Variants in KAT2B observed in about 807,000 individuals in gnomAD.
The protein encoded by KAT2B is lysine acetyltransferase 2B, also known as histone acetyltransferase KAT2B.
KAT2B carries 36 observed loss-of-function variants against 105.9 expected under a neutral mutation model. That is an observed-to-expected ratio of 0.34 (90% CI 0.26 to 0.45). KAT2B has a LOEUF of 0.45. Among genes scored for constraint, KAT2B ranks in the 20% least tolerant of loss-of-function variants. KAT2B has a pLI of 1.00. For missense variants in KAT2B, 820 were observed against 1,021.6 expected (o/e 0.80, Z 2.69); for synonymous variants, 397 against 377.9 (o/e 1.05, Z -0.59).
chr3:20,054,210 A>G (rs929442941), intron 1 of KAT2B, among the ~76,000 whole-genome samples: 2 of 146,784 alleles, frequency 1.4e-5, no homozygotes, highest in African/African-American at 2.4e-5. Context: ...GCTCACTGCA[A>G]TCTCCGCCTC....
At chr3:20,096,063 T>A (rs1018350417) in intron 3 of KAT2B, among the ~76,000 whole-genome samples, 54 of 152,238 alleles carry the variant, frequency 3.5e-4, no homozygotes, top group Non-Finnish European at 6.6e-4. Context: ...CTTGAAGTGA[T>A]GTCTGTACAG....
At chr3:20,078,200 A>T (rs13082298) in intron 2 of KAT2B, among the ~76,000 whole-genome samples, 21,847 of 152,118 alleles carry the variant, frequency 0.14, 1,714 homozygotes, top group Admixed American at 0.18. Flanking sequence ...AAATAAATAA[A>T]TAAATAAAAA....
intron 8 of KAT2B, among the ~76,000 whole-genome samples, chr3:20,121,064 T>G (rs998096686): frequency 1.3e-5 from 2 of 152,110 alleles, no homozygotes; most frequent in African/African-American, 2.4e-5. Context: ...ATAAATAGTT[T>G]TCAGCATTAC....
intron 4 of KAT2B, chr3:20,101,072 C>T (rs373650903): frequency 1.3e-4 from 68 of 532,650 alleles, no homozygotes; most frequent in African/African-American, 1.2e-3. Context: ...TCACAACTCA[C>T]AGCCTCTCTG....
Position 20,063,500 on chromosome 3 carries a change from C to T in KAT2B, c.304-8833C>T, listed in dbSNP as rs537022485. The stretch of plus-strand genomic sequence containing the variant: ...TTGCTCAGGCTGGAGTGCAGTGGTG[C>T]GATCTCACCTCACAGCAACTTCTGA... On this transcript the variant is annotated intron_variant, in intron 1 of 17. Coordinates refer to ENST00000263754, the MANE Select transcript of KAT2B (RefSeq NM_003884.5). Among the ~76,000 whole-genome samples, 10 of 140,304 alleles carry T rather than the reference C, an allele frequency of 7.1e-5. No individual in the cohort carries two copies. In the South Asian group the frequency reaches 9.2e-4, roughly 13 times the overall value. The allele number at this position is 140,304 out of a possible 152,430, so 92.0% of individuals were successfully genotyped here. A position where few individuals can be genotyped will look rare whatever the true frequency, so the allele number is the denominator to read the frequency against.
At chr3:20,120,679 T>A (rs1699292491) in intron 8 of KAT2B, among the ~76,000 whole-genome samples, 1 of 150,590 alleles carries the variant, frequency 6.6e-6, no homozygotes, top group Admixed American at 6.6e-5. Flanking sequence ...GGTAAAGAAT[T>A]TGGCCATTAA....
chr3:20,147,441 G>A (rs1358777627), intron 14 of KAT2B, among the ~76,000 whole-genome samples: 1 of 151,794 alleles, frequency 6.6e-6, no homozygotes, highest in Admixed American at 6.6e-5. Context: ...GATAAACTGA[G>A]AGGCAACTTA....
At chr3:20,124,754 G>T (rs769489207) in intron 9 of KAT2B, among the ~76,000 whole-genome samples, 1 of 152,204 alleles carries the variant, frequency 6.6e-6, no homozygotes, top group Non-Finnish European at 1.5e-5. Context: ...AGTTTTGTGA[G>T]CTGGTTGTTC....
intron 5 of KAT2B, among the ~76,000 whole-genome samples, chr3:20,107,474 A>G (rs1450431954): frequency 6.6e-6 from 1 of 151,406 alleles, no homozygotes; most frequent in Non-Finnish European, 1.5e-5. Flanking sequence ...CCTGGCCAAC[A>G]TGGTGAAACC....
intron 2 of KAT2B, among the ~76,000 whole-genome samples, chr3:20,093,226 G>T (rs1698753580): frequency 6.6e-6 from 1 of 152,202 alleles, no homozygotes; most frequent in South Asian, 2.1e-4. Context: ...TGAGGAAAAG[G>T]TGGCCAATAA....
Position 20,072,324 on chromosome 3 carries a change from C to T in KAT2B, c.304-9C>T, listed in dbSNP as rs773436380. 6.2e-6 allele frequency: 10 copies of T among 1,613,132 alleles called. No homozygotes were observed. Among genetic ancestry groups the T allele is most frequent in the African/African-American group, 2.7e-5 (2 of 74,856 alleles). ...AATAATTTTGTCTCTTTCTTTATTC[C>T]ATTTTTAGGCCGAGGAGTCTTGTAA... On this transcript the variant is annotated splice_polypyrimidine_tract_variant and intron_variant, in intron 1 of 17. Transcript: ENST00000263754.
chr3:20,101,524 A>G, intron 5 of KAT2B, 56 bp downstream of exon 5: 1 of 1,458,796 alleles, frequency 6.9e-7, no homozygotes, highest in Admixed American at 1.7e-5. Context: ...ACAGACCTAA[A>G]ATTGTACTTG....
Position 20,061,433 on chromosome 3 carries a change from G to C in KAT2B, c.304-10900G>C, listed in dbSNP as rs1488988127. Among the ~76,000 whole-genome samples, 4 of 152,064 alleles carry C rather than the reference G, an allele frequency of 2.6e-5. No individual in the cohort carries two copies. In the East Asian group the frequency reaches 7.7e-4, roughly 29 times the overall value. ...GCTGTTGTGCTTAATAATGATACTA[G>C]GACATGGGTGTCCAAATATTTCTTT... On this transcript the variant is annotated intron_variant, in intron 1 of 17. Transcript: ENST00000263754.
At chr3:20,148,625 G>A (rs756425301) in intron 17 of KAT2B, 138 bp downstream of exon 17, 6 of 640,518 alleles carry the variant, frequency 9.4e-6, no homozygotes, top group Admixed American at 3.3e-5. Flanking sequence ...TCCATGCACC[G>A]TGGCGGGTCA....
chr3:20,142,086 G>C (rs76022842), intron 13 of KAT2B, among the ~76,000 whole-genome samples: 1 of 152,106 alleles, frequency 6.6e-6, no homozygotes. Flanking sequence ...TCATCCCCAC[G>C]GTGTTAGCTG....
intron 1 of KAT2B, among the ~76,000 whole-genome samples, chr3:20,063,987 T>C (rs1215677277): frequency 2.0e-5 from 3 of 152,208 alleles, no homozygotes; most frequent in African/African-American, 7.2e-5. Context: ...CCTTTCTCTA[T>C]TGAATGGTCT....
chr3:20,148,091 C>A, intron 15 of KAT2B, 92 bp downstream of exon 15: 1 of 1,396,620 alleles, frequency 7.2e-7, no homozygotes, highest in Non-Finnish European at 1.0e-6. Context: ...TAATTGTAAT[C>A]ACTAACACAA....
chr3:20,134,470 C>T (rs1162330578), intron 11 of KAT2B, among the ~76,000 whole-genome samples: 1 of 152,188 alleles, frequency 6.6e-6, no homozygotes, highest in East Asian at 1.9e-4. Flanking sequence ...GATCTCAGCT[C>T]AGATCTTGGC....
chr3:20,147,738 TC>T (rs1182432308), intron 14 of KAT2B, among the ~76,000 whole-genome samples: 1 of 152,242 alleles, frequency 6.6e-6, no homozygotes, highest in Admixed American at 6.5e-5. Flanking sequence ...AGGTTGGTGT[TC>T]CTGCTTTAAA....
Sources: allele counts gnomAD v4.1 joint callset (sites outside exome capture counted in the v4.1 genomes callset), GRCh38; gene constraint gnomAD v4.1.1; transcripts MANE v1.5; gene names NCBI Gene and HGNC (gene_info 2026-07-23, HGNC 2026-07-21).